VCPKMT: variants seen among roughly 807,000 people sequenced by gnomAD.
VCPKMT encodes protein N-lysine methyltransferase METTL21D.
A neutral mutation model predicts 28.6 loss-of-function variants in VCPKMT; 32 were observed. The ratio of observed to expected loss-of-function variants is 1.12; its 90% CI spans 0.84 to 1.50. VCPKMT has a LOEUF of 1.50. Ranked by LOEUF, VCPKMT falls within the 40% of genes most tolerant of loss-of-function variation. The pLI, the probability that VCPKMT is intolerant of heterozygous loss-of-function variation, is 0.00. For synonymous variants in VCPKMT, 138 were observed against 111.4 expected (o/e 1.24, Z -1.50); for missense variants, 366 against 285.0 (o/e 1.28, Z -2.05).
chr14:50,112,582 C>A (rs965559139), intron 5 of VCPKMT, 33 bp downstream of exon 5: 1 of 1,397,186 alleles, frequency 7.2e-7, no homozygotes, highest in Non-Finnish European at 9.9e-7. Flanking sequence ...ATGAAACCTC[C>A]TTGGAGAATG....
At position 50,109,590 on chromosome 14, in the gene VCPKMT, C is replaced by T. The variant is rs770541867; in HGVS notation, c.*109G>A. Reference sequence around the variant, plus strand: ...ATACATCGGATCTCTAAGGACGTGCCGGAAAAAAAAATCTGTGAACACAAT... The same window carrying T: ...ATACATCGGATCTCTAAGGACGTGCTGGAAAAAAAAATCTGTGAACACAAT... On this transcript the variant is annotated 3_prime_UTR_variant, in exon 6 of 6. Coordinates refer to ENST00000395860, the MANE Select transcript of VCPKMT (RefSeq NM_024558.3). 15 of 1,456,128 alleles carry T rather than the reference C, an allele frequency of 1.0e-5. No homozygotes were observed. The highest frequency in any genetic ancestry group is 1.5e-5 in the African/African-American group (1 of 68,136). The allele number at this position is 1,456,128 out of a possible 1,614,324, so 90.2% of individuals were successfully genotyped here.
intron 5 of VCPKMT, among the ~76,000 whole-genome samples, chr14:50,110,811 T>C (rs1313578786): frequency 6.6e-6 from 1 of 152,206 alleles, no homozygotes; most frequent in Non-Finnish European, 1.5e-5. Flanking sequence ...TAAAGGAATA[T>C]TATTCAGCCA....
chr14:50,102,973 G>A, the VCPKMT span, among the ~76,000 whole-genome samples: 13 of 152,314 alleles, frequency 8.5e-5, no homozygotes, highest in Admixed American at 7.2e-4. Flanking sequence ...CTCATGGGCC[G>A]CATATGGCCC....
downstream of VCPKMT, among the ~76,000 whole-genome samples, chr14:50,104,489 A>G (rs1471233865): frequency 1.3e-5 from 2 of 152,200 alleles, no homozygotes; most frequent in Admixed American, 1.3e-4. Context: ...TATTTCTATT[A>G]GAGTGAAGGT....
Position 50,116,079 on chromosome 14 carries a change from C to G in VCPKMT, c.367G>C (p.Val123Leu), listed in dbSNP as rs1462850831. The change falls in exon 2 of 6, where the codon GTA becomes CTA. Residue 123 changes from valine to leucine, a missense_variant. Transcript: ENST00000395860. ...HLVTGSVQAK[V>L]LKWGEEIEGF... ...AAAGGCCATACAAACCATTTCAGTACCTTGGCTTGAACAGAACCAGTGACA... is the reference window on the plus strand; with the variant it reads ...AAAGGCCATACAAACCATTTCAGTAGCTTGGCTTGAACAGAACCAGTGACA... 2 of 1,611,624 alleles carry G rather than the reference C, an allele frequency of 1.2e-6. No homozygotes were observed. Among genetic ancestry groups the G allele is most frequent in the Admixed American group, 3.4e-5 (2 of 59,672 alleles).
chr14:50,109,524 G>A lies in VCPKMT; in HGVS notation c.*175C>T. Reference sequence around the variant, plus strand: ...CATTGGCAGGCAGGCAGGCAAGCAGGAATTTTTCGTATTGCAGACAGCCCC... The same window carrying A: ...CATTGGCAGGCAGGCAGGCAAGCAGAAATTTTTCGTATTGCAGACAGCCCC... On this transcript the variant is annotated 3_prime_UTR_variant, in exon 6 of 6. Transcript: ENST00000395860. 7.6e-7 allele frequency: 1 copy of A among 1,314,288 alleles called. No homozygotes were observed. The highest frequency in any genetic ancestry group is 9.7e-7 in the Non-Finnish European group (1 of 1,034,178). 81.4% of individuals were successfully genotyped at this position (1,314,288 alleles called of 1,614,324 possible). A position where few individuals can be genotyped will look rare whatever the true frequency, so the allele number is the denominator to read the frequency against.
rs1882463517 is a variant in VCPKMT at position 50,109,073 on chromosome 14, T to A, written c.*626A>T. On this transcript the variant is annotated 3_prime_UTR_variant, in exon 6 of 6. Coordinates refer to ENST00000395860, the MANE Select transcript of VCPKMT (RefSeq NM_024558.3). ...AGCAACTCATTACAGTACAATTTACTGATTAAATCACATAGATATGTATGG... is the reference window on the plus strand; with the variant it reads ...AGCAACTCATTACAGTACAATTTACAGATTAAATCACATAGATATGTATGG... The A allele has an allele frequency of 1.0e-6, 1 of 982,608 alleles. No individual in the cohort carries two copies. The highest frequency in any genetic ancestry group is 1.2e-6 in the Non-Finnish European group (1 of 827,440). The allele number at this position is 982,608 out of a possible 1,614,324, so 60.9% of individuals were successfully genotyped here. A position where few individuals can be genotyped will look rare whatever the true frequency, so the allele number is the denominator to read the frequency against.
intron 5 of VCPKMT, chr14:50,111,624 T>C (rs766678519): frequency 1.0e-6 from 1 of 985,292 alleles, no homozygotes; most frequent in South Asian, 4.7e-5. Context: ...ACACCTGTAA[T>C]CCCAACAATT....
rs953612459 is a variant in VCPKMT at position 50,114,364 on chromosome 14, C to T, written c.491G>A (p.Gly164Glu). 2 of 1,584,562 alleles carry T rather than the reference C, an allele frequency of 1.3e-6. No individual in the cohort carries two copies. The highest frequency in any genetic ancestry group is 2.7e-5 in the African/African-American group (2 of 73,760). Reference sequence around the variant, plus strand: ...ACAACATATAATACAAGTTTCAAATCCGCTGATATCTTTTAGAGTTTTCAG... The same window carrying T: ...ACAACATATAATACAAGTTTCAAATTCGCTGATATCTTTTAGAGTTTTCAG... ...PLLKTLKDIS[G>E]FETCIICCYE... Residue 164 changes from glycine (G) to glutamate (E), a missense_variant, in exon 4 of 6, where the codon GGA becomes GAA. Transcript: ENST00000395860.
Position 50,113,799 on chromosome 14 carries a change from G to GTT in VCPKMT, c.570+485_570+486insAA, listed in dbSNP as rs1882882077. On this transcript the variant is annotated intron_variant, in intron 4 of 5. Transcript: ENST00000395860. ...TAGTCCCACTTACTTGGGGGCGGGG[G>GTT]GGGGGGGGGGTGACACTGAGGCAGG... Among the ~76,000 whole-genome samples, 4 of 84,554 alleles carry GTT rather than the reference G, an allele frequency of 4.7e-5. 1 individual carries two copies. The highest frequency in any genetic ancestry group is 9.2e-4 in the East Asian group (2 of 2,178). The allele number at this position is 84,554 out of a possible 152,430, so 55.5% of individuals were successfully genotyped here. A position where few individuals can be genotyped will look rare whatever the true frequency, so the allele number is the denominator to read the frequency against.
At chr14:50,110,829 G>C (rs529687112) in intron 5 of VCPKMT, among the ~76,000 whole-genome samples, 9 of 152,332 alleles carry the variant, frequency 5.9e-5, no homozygotes, top group Non-Finnish European at 1.3e-4. Flanking sequence ...CCACAAAAAG[G>C]AGTTAAGTGC....
chr14:50,116,442 G>A lies in VCPKMT; in HGVS notation c.111C>T (p.Gly37=), dbSNP rs1193174856. Residue 37 remains glycine (G), a synonymous_variant, in exon 1 of 6, where the codon GGC becomes GGT. Transcript: ENST00000395860. The stretch of plus-strand genomic sequence containing the variant: ...CAGCGTCCCACACAACGCAACCCAC[G>A]CCACCGGAGCTATACTGCTGTAGTC... ...VLRLQQYSSG[G]VGCVVWDAAI... The A allele has an allele frequency of 6.2e-7, 1 of 1,613,946 alleles. No homozygotes were observed. The highest frequency in any genetic ancestry group is 2.2e-5 in the East Asian group (1 of 44,884).
downstream of VCPKMT, among the ~76,000 whole-genome samples, chr14:50,108,191 C>CAAAA (rs11455635): frequency 0.078 from 8,319 of 106,688 alleles, 407 homozygotes; most frequent in African/African-American, 0.13. Flanking sequence ...AACCCTGTCT[C>CAAAA]AAAAAAAAAA....
At chr14:50,105,732 G>C (rs943723618), downstream of VCPKMT, among the ~76,000 whole-genome samples, 3 of 152,208 alleles carry the variant, frequency 2.0e-5, no homozygotes, top group African/African-American at 7.2e-5. Flanking sequence ...AAAATGCAAA[G>C]TTATGCAACC....
chr14:50,113,808 GGTGA>G (rs1478220613), intron 4 of VCPKMT, among the ~76,000 whole-genome samples: 11 of 85,672 alleles, frequency 1.3e-4, no homozygotes, highest in African/African-American at 4.3e-4. Context: ...GGGGGGGGGG[GGTGA>G]CACTGAGGCA....
chr14:50,116,376 A>T lies in VCPKMT; in HGVS notation c.177T>A (p.Ser59=). Residue 59 remains serine, a synonymous_variant, in exon 1 of 6, where the codon TCT becomes TCA. Coordinates refer to ENST00000395860, the MANE Select transcript of VCPKMT (RefSeq NM_024558.3). Reference sequence around the variant, plus strand: ...GGCTCAGCGCGTGGGCCCCGTCGCCAGAAAACTCGGGCGTTTCCAGGTATT... The same window carrying T: ...GGCTCAGCGCGTGGGCCCCGTCGCCTGAAAACTCGGGCGTTTCCAGGTATT... ...LSKYLETPEF[S]GDGAHALSRR... 6.2e-7 allele frequency: 1 copy of T among 1,613,626 alleles called. No homozygotes were observed. Among genetic ancestry groups the T allele is most frequent in the African/African-American group, 1.3e-5 (1 of 75,002 alleles).
intron 5 of VCPKMT, chr14:50,111,036 G>C (rs536272048): frequency 4.5e-6 from 2 of 445,576 alleles, no homozygotes; most frequent in Non-Finnish European, 5.9e-6. Flanking sequence ...GGCTTCTCTG[G>C]GGGGTGAAAT....
At chr14:50,111,570 T>C in intron 5 of VCPKMT, 1 of 985,244 alleles carries the variant, frequency 1.0e-6, no homozygotes, top group Non-Finnish European at 1.2e-6. Context: ...ATACCAAAGG[T>C]GCTGGAAATA....
At chr14:50,108,096 G>C (rs1245001039), downstream of VCPKMT, among the ~76,000 whole-genome samples, 1 of 151,146 alleles carries the variant, frequency 6.6e-6, no homozygotes, top group Non-Finnish European at 1.5e-5. Context: ...GGGTGAGGTA[G>C]GAGGATCACC....
Sources: gnomAD v4.1 joint callset for allele counts (sites outside exome capture counted in the v4.1 genomes callset) on GRCh38, gnomAD v4.1.1 for gene constraint, MANE v1.5 for transcripts, NCBI Gene and HGNC (gene_info 2026-07-23, HGNC 2026-07-21) for gene names.